Variants in SLC25A26 observed in about 807,000 individuals in gnomAD.
SLC25A26 encodes the protein solute carrier family 25 member 26, also known as mitochondrial S-adenosylmethionine carrier protein.
A neutral mutation model predicts 37.8 loss-of-function variants in SLC25A26; 36 were observed. The observed-to-expected ratio is 0.95, with a 90% CI of 0.73 to 1.26. The LOEUF (loss-of-function observed/expected upper bound fraction) is 1.26, where lower values mean the gene tolerates loss of function less well. Ranked by LOEUF, SLC25A26 falls within the 50% of genes most tolerant of loss-of-function variation. The probability of loss-of-function intolerance (pLI) is 0.00; values close to 1 mark genes in which losing one functional copy is unlikely to be tolerated. For synonymous variants in SLC25A26, 129 were observed against 122.5 expected (o/e 1.05, Z -0.35); for missense variants, 390 against 331.1 (o/e 1.18, Z -1.38).
intron 5 of SLC25A26, among the ~76,000 whole-genome samples, chr3:66,339,746 A>G (rs988275485): frequency 6.6e-6 from 1 of 151,948 alleles, no homozygotes; most frequent in Non-Finnish European, 1.5e-5. Flanking sequence ...TGCTTTATAT[A>G]TTCTGGATAT....
At chr3:66,169,465 C>G (rs1266149117) in intron 1 of SLC25A26, among the ~76,000 whole-genome samples, 2 of 152,212 alleles carry the variant, frequency 1.3e-5, no homozygotes, top group African/African-American at 4.8e-5. Flanking sequence ...GGTATCAGCT[C>G]AGCTGACTCT....
upstream of SLC25A26, among the ~76,000 whole-genome samples, chr3:66,217,944 TAAC>T (rs1401625755): frequency 2.0e-5 from 3 of 152,202 alleles, no homozygotes; most frequent in Admixed American, 6.5e-5. Flanking sequence ...ACCACAATAA[TAAC>T]AAGAGAATAT....
chr3:66,300,949 G>C (rs1448697829), intron 5 of SLC25A26, among the ~76,000 whole-genome samples: 1 of 152,112 alleles, frequency 6.6e-6, no homozygotes, highest in African/African-American at 2.4e-5. Flanking sequence ...GGATTTCTAA[G>C]CAGATTTGGG....
chr3:66,325,531 G>T (rs952078181), intron 5 of SLC25A26, among the ~76,000 whole-genome samples: 1 of 152,212 alleles, frequency 6.6e-6, no homozygotes, highest in Non-Finnish European at 1.5e-5. Flanking sequence ...GAATGTCTAA[G>T]TAGGACACCT....
chr3:66,201,693 T>A (rs1234061447), intron 1 of SLC25A26, among the ~76,000 whole-genome samples: 1 of 152,198 alleles, frequency 6.6e-6, no homozygotes, highest in African/African-American at 2.4e-5. Context: ...GTTAACAATT[T>A]TTAATCCTTC....
intron 6 of SLC25A26, among the ~76,000 whole-genome samples, chr3:66,348,503 G>A (rs544234686): frequency 6.6e-6 from 1 of 152,094 alleles, no homozygotes; most frequent in South Asian, 2.1e-4. Context: ...AATCTAGGTA[G>A]GCATTAGCTA....
intron 6 of SLC25A26, among the ~76,000 whole-genome samples, chr3:66,355,277 C>G (rs899072381): frequency 6.6e-6 from 1 of 151,880 alleles, no homozygotes; most frequent in Non-Finnish European, 1.5e-5. Context: ...TCTTTACCGA[C>G]TTATCTAGAA....
chr3:66,150,308 G>C (rs2070180393), intron 1 of SLC25A26, among the ~76,000 whole-genome samples: 1 of 151,262 alleles, frequency 6.6e-6, no homozygotes, highest in Non-Finnish European at 1.5e-5. Flanking sequence ...GACCAGCCTG[G>C]CCAACATGAT....
At chr3:66,341,687 A>G (rs2076212689) in intron 5 of SLC25A26, among the ~76,000 whole-genome samples, 1 of 152,198 alleles carries the variant, frequency 6.6e-6, no homozygotes, top group African/African-American at 2.4e-5. Context: ...TTCTTTGGAA[A>G]GATGCTTTAG....
intron 9 of SLC25A26, among the ~76,000 whole-genome samples, chr3:66,377,142 C>T (rs573941258): frequency 6.6e-6 from 1 of 152,316 alleles, no homozygotes; most frequent in East Asian, 1.9e-4. Flanking sequence ...GATTATTCTA[C>T]ATTGCACCTT....
rs1301830459 is a variant in SLC25A26 at position 66,362,846 on chromosome 3, C to T, written c.499-14C>T. On this transcript the variant is annotated splice_polypyrimidine_tract_variant and intron_variant, in intron 6 of 9. Coordinates refer to ENST00000354883, the MANE Select transcript of SLC25A26 (RefSeq NM_001379210.1). ...TATTTAATAACTTGTATTTTTCTTT[C>T]TCCTTAAACACAGGCCCTCTGGTCC... 4 of 1,565,870 alleles carry T rather than the reference C, an allele frequency of 2.6e-6. No individual in the cohort carries two copies. Among genetic ancestry groups the T allele is most frequent in the Admixed American group, 3.8e-5 (2 of 52,858 alleles).
chr3:66,202,168 A>T, intron 1 of SLC25A26, among the ~76,000 whole-genome samples: 1 of 152,306 alleles, frequency 6.6e-6, no homozygotes, highest in East Asian at 1.9e-4. Context: ...TATACCTTGG[A>T]AACTGTGCAG....
intron 5 of SLC25A26, among the ~76,000 whole-genome samples, chr3:66,305,490 T>G (rs1403428344): frequency 6.6e-6 from 1 of 152,216 alleles, no homozygotes; most frequent in Non-Finnish European, 1.5e-5. Context: ...GATACATATG[T>G]AGGATATGCA....
At chr3:66,315,334 C>G (rs913169974) in intron 5 of SLC25A26, among the ~76,000 whole-genome samples, 2 of 152,056 alleles carry the variant, frequency 1.3e-5, no homozygotes, top group African/African-American at 2.4e-5. Context: ...TTTGTTCTTA[C>G]TGATTTCAAA....
intron 9 of SLC25A26, among the ~76,000 whole-genome samples, chr3:66,373,054 T>C (rs1293776557): frequency 6.6e-6 from 1 of 152,144 alleles, no homozygotes; most frequent in Admixed American, 6.5e-5. Context: ...AGAAATATAT[T>C]ACTAAACAAA....
intron 5 of SLC25A26, among the ~76,000 whole-genome samples, chr3:66,321,390 T>C (rs1568649): frequency 0.05 from 7,603 of 152,284 alleles, 606 homozygotes; most frequent in African/African-American, 0.17. Flanking sequence ...AGGCTCCCCC[T>C]GCCCCAGTCA....
In SLC25A26 at chr3:66,239,715, C is replaced by T. The variant is rs143946643; in HGVS notation, c.190+3015C>T. On this transcript the variant is annotated intron_variant, in intron 2 of 9. Coordinates refer to ENST00000354883, the MANE Select transcript of SLC25A26 (RefSeq NM_001379210.1). Reference sequence around the variant, plus strand: ...TAGCAACCCTTTACCCACATGAAAGCTGCATTTTCAAAACAAGAAAAAAGG... The same window carrying T: ...TAGCAACCCTTTACCCACATGAAAGTTGCATTTTCAAAACAAGAAAAAAGG... 9.9e-3 allele frequency among the ~76,000 whole-genome samples: 1,498 copies of T among 151,852 alleles called. 29 individuals are homozygous for T. Among genetic ancestry groups the T allele is most frequent in the East Asian group, 0.064 (332 of 5,162 alleles).
intron 9 of SLC25A26, among the ~76,000 whole-genome samples, chr3:66,372,985 C>G (rs1287487816): frequency 6.6e-6 from 1 of 152,222 alleles, no homozygotes; most frequent in Non-Finnish European, 1.5e-5. Flanking sequence ...TTTATCTTTC[C>G]GTGTGGTCCA....
chr3:66,288,776 G>A lies in SLC25A26; in HGVS notation c.453+25397G>A, dbSNP rs538257257. On this transcript the variant is annotated intron_variant, in intron 5 of 9. Transcript: ENST00000354883. ...AGTCTTTGCTGTTGTGAATAGTGCCGCAATAAACATACTTGTGCATGTGTC... is the reference window on the plus strand; with the variant it reads ...AGTCTTTGCTGTTGTGAATAGTGCCACAATAAACATACTTGTGCATGTGTC... 1.7e-4 allele frequency among the ~76,000 whole-genome samples: 26 copies of A among 152,198 alleles called. 1 individual carries two copies. Among genetic ancestry groups the A allele is most frequent in the South Asian group, 6.2e-4 (3 of 4,820 alleles).
Sources: allele counts gnomAD v4.1 joint callset (sites outside exome capture counted in the v4.1 genomes callset), GRCh38; gene constraint gnomAD v4.1.1; transcripts MANE v1.5; gene names NCBI Gene and HGNC (gene_info 2026-07-23, HGNC 2026-07-21).